Variants in PRKCI observed in about 807,000 individuals in gnomAD.
PRKCI encodes protein kinase C iota.
In PRKCI, 43 loss-of-function variants were observed where a neutral mutation model predicts 84.0. The observed-to-expected ratio is 0.51, with a 90% confidence interval of 0.40 to 0.66. PRKCI has a LOEUF of 0.66. PRKCI is among the 30% of genes least tolerant of loss of function. The pLI is 0.00. For missense variants in PRKCI, 459 were observed against 745.6 expected, an observed-to-expected ratio of 0.62 and a Z score of 4.48; for synonymous variants, 216 against 234.4, an observed-to-expected ratio of 0.92 and a Z score of 0.72.
intron 12 of PRKCI, among the ~76,000 whole-genome samples, chr3:170,290,549 T>A (rs1260258570): frequency 1.3e-5 from 2 of 151,326 alleles, no homozygotes; most frequent in Admixed American, 6.6e-5. Flanking sequence ...ATATATATAT[T>A]TTAACTCTAG....
At chr3:170,261,969 T>C (rs960127487) in intron 3 of PRKCI, among the ~76,000 whole-genome samples, 3 of 152,222 alleles carry the variant, frequency 2.0e-5, no homozygotes, top group Non-Finnish European at 2.9e-5. Flanking sequence ...TAAGTCTTAT[T>C]GCCTTTTAAT....
At chr3:170,263,353 A>G in intron 3 of PRKCI, 26 bp from the exon 4 acceptor site, 2 of 1,572,044 alleles carry the variant, frequency 1.3e-6, no homozygotes, top group Non-Finnish European at 1.7e-6. Flanking sequence ...TATGCTGTTA[A>G]CTCATGTTCG....
chr3:170,233,800 A>G (rs1327659941), intron 1 of PRKCI, among the ~76,000 whole-genome samples: 2 of 151,616 alleles, frequency 1.3e-5, no homozygotes, highest in Admixed American at 1.3e-4. Context: ...GGCTCACTGC[A>G]GCCTCCGCCT....
chr3:170,238,779 A>G lies in PRKCI; in HGVS notation c.223+3428A>G, dbSNP rs543113071. ...CCTAATTTTTGTATTTTTAGTAGAG[A>G]CGGGGTTTCACCATGTTGGCCAGGC... is the stretch of plus-strand genomic sequence containing the variant. On this transcript the variant is annotated intron_variant, in intron 2 of 17. Coordinates refer to ENST00000295797, the MANE Select transcript of PRKCI (RefSeq NM_002740.6). Among the ~76,000 whole-genome samples, 20 of 152,110 alleles carry G rather than the reference A, an allele frequency of 1.3e-4. No homozygotes were observed. In the South Asian group the frequency reaches 4.1e-3, roughly 32 times the overall value.
chr3:170,285,091 T>C (rs1365545612), intron 12 of PRKCI, among the ~76,000 whole-genome samples: 1 of 151,150 alleles, frequency 6.6e-6, no homozygotes, highest in Non-Finnish European at 1.5e-5. Context: ...TTTTTTTTTT[T>C]TTTTTTGAGA....
At chr3:170,274,708 A>G (rs1303817443) in intron 7 of PRKCI, among the ~76,000 whole-genome samples, 2 of 152,170 alleles carry the variant, frequency 1.3e-5, no homozygotes, top group East Asian at 3.9e-4. Flanking sequence ...AACTCTATGA[A>G]ATGCAGGCTC....
intron 4 of PRKCI, among the ~76,000 whole-genome samples, chr3:170,264,880 G>C (rs1484039471): frequency 6.6e-6 from 1 of 152,098 alleles, no homozygotes; most frequent in African/African-American, 2.4e-5. Flanking sequence ...CTTCACCTGA[G>C]AACTGAATAG....
At chr3:170,246,294 A>C (rs1450925221) in intron 2 of PRKCI, among the ~76,000 whole-genome samples, 1 of 152,080 alleles carries the variant, frequency 6.6e-6, no homozygotes, top group Non-Finnish European at 1.5e-5. Flanking sequence ...CTGGGATTAC[A>C]GGCGCCTGCC....
intron 2 of PRKCI, among the ~76,000 whole-genome samples, chr3:170,247,791 T>C (rs958403948): frequency 1.4e-5 from 2 of 138,978 alleles, no homozygotes; most frequent in African/African-American, 5.5e-5. Context: ...TGGGATGGCA[T>C]GTATTTCTGT....
At chr3:170,248,581 T>A (rs1733354076) in intron 2 of PRKCI, among the ~76,000 whole-genome samples, 1 of 152,174 alleles carries the variant, frequency 6.6e-6, no homozygotes. Context: ...TGCATTGAGT[T>A]TTATCAAGCA....
At position 170,230,165 on chromosome 3, in the gene PRKCI, C is replaced by CTTTT. The variant is rs545430768; in HGVS notation, c.102-5050_102-5047dup. Among the ~76,000 whole-genome samples, 7 of 134,888 alleles carry CTTTT rather than the reference C, an allele frequency of 5.2e-5. 1 individual carries two copies. In the East Asian group the frequency reaches 1.1e-3, roughly 21 times the overall value. 88.5% of individuals were successfully genotyped at this position (134,888 alleles called of 152,430 possible). A position where few individuals can be genotyped will look rare whatever the true frequency, so the allele number is the denominator to read the frequency against. On this transcript the variant is annotated intron_variant, in intron 1 of 17. Transcript: ENST00000295797. ...ATTCTATTTTTCTTCTATTATGCAA[C>CTTTT]TTTTTTTTTTTTTTTTTTGAGACAG...
intron 12 of PRKCI, 130 bp downstream of exon 12, chr3:170,284,726 G>A: frequency 9.0e-7 from 1 of 1,113,346 alleles, no homozygotes; most frequent in Non-Finnish European, 1.3e-6. Context: ...TGGAATTCTA[G>A]CACAAAGACA....
chr3:170,228,680 T>C (rs1732702997), intron 1 of PRKCI, among the ~76,000 whole-genome samples: 1 of 151,890 alleles, frequency 6.6e-6, no homozygotes, highest in African/African-American at 2.4e-5. Context: ...CTGTAGTCTC[T>C]CACTCCCACC....
At chr3:170,278,193 A>G (rs897179341) in intron 8 of PRKCI, among the ~76,000 whole-genome samples, 4 of 151,964 alleles carry the variant, frequency 2.6e-5, no homozygotes, top group African/African-American at 4.8e-5. Flanking sequence ...AGTTAACTCT[A>G]TCTTTTTTGC....
intron 2 of PRKCI, among the ~76,000 whole-genome samples, chr3:170,241,064 T>G (rs1733118523): frequency 6.6e-6 from 1 of 151,952 alleles, no homozygotes; most frequent in Non-Finnish European, 1.5e-5. Context: ...AATTTTTAAT[T>G]AACAGATAAT....
chr3:170,287,928 A>G (rs1577371878), intron 12 of PRKCI, among the ~76,000 whole-genome samples: 1 of 151,120 alleles, frequency 6.6e-6, no homozygotes, highest in East Asian at 1.9e-4. Context: ...AAAAAAAAAA[A>G]AAGAAAATCA....
At chr3:170,235,177 C>G (rs1732938308) in intron 1 of PRKCI, 53 bp from the exon 2 acceptor site, 2 of 1,558,704 alleles carry the variant, frequency 1.3e-6, no homozygotes, top group South Asian at 2.3e-5. Flanking sequence ...GTAATATATA[C>G]AGCATTATTA....
intron 2 of PRKCI, among the ~76,000 whole-genome samples, chr3:170,249,735 T>C (rs1301016058): frequency 1.3e-5 from 2 of 151,106 alleles, no homozygotes; most frequent in Non-Finnish European, 2.9e-5. Context: ...AGGTCAAGGC[T>C]GCAGTGAACC....
intron 1 of PRKCI, among the ~76,000 whole-genome samples, chr3:170,227,911 A>G (rs1240272196): frequency 5.3e-5 from 8 of 152,164 alleles, no homozygotes; most frequent in Admixed American, 5.2e-4. Flanking sequence ...TTAAGGAGAG[A>G]GAAAAGAGTG....
Sources: gnomAD v4.1 joint callset for allele counts (sites outside exome capture counted in the v4.1 genomes callset) on GRCh38, gnomAD v4.1.1 for gene constraint, MANE v1.5 for transcripts, NCBI Gene and HGNC (gene_info 2026-07-23, HGNC 2026-07-21) for gene names.